Variants in CCDC175 observed in about 807,000 individuals in gnomAD.
The protein encoded by CCDC175 is coiled-coil domain-containing protein 175.
A neutral mutation model predicts 114.6 loss-of-function variants in CCDC175; 100 were observed. The observed-to-expected ratio is 0.87, with a 90% CI of 0.74 to 1.03. CCDC175 has a LOEUF of 1.03. Among genes scored for constraint, CCDC175 ranks in the 50% least tolerant of loss-of-function variants. The pLI, the probability that CCDC175 is intolerant of heterozygous loss-of-function variation, is 0.00. For synonymous variants in CCDC175, 306 were observed against 308.7 expected (o/e 0.99, Z 0.09); for missense variants, 880 against 917.8 (o/e 0.96, Z 0.53).
intron 16 of CCDC175, among the ~76,000 whole-genome samples, chr14:59,522,993 C>T (rs1184661995): frequency 1.3e-5 from 2 of 152,120 alleles, no homozygotes; most frequent in Non-Finnish European, 2.9e-5. Flanking sequence ...ACCAGCAAAA[C>T]TGAGTGGTGA....
intron 10 of CCDC175, among the ~76,000 whole-genome samples, chr14:59,541,100 A>G (rs1894757165): frequency 6.6e-6 from 1 of 152,212 alleles, no homozygotes; most frequent in Admixed American, 6.5e-5. Flanking sequence ...TTGCAAATAC[A>G]GAGGGAAGGA....
intron 13 of CCDC175, among the ~76,000 whole-genome samples, chr14:59,535,520 G>A (rs569685412): frequency 2.9e-4 from 44 of 152,226 alleles, no homozygotes; most frequent in Middle Eastern, 3.4e-3. Context: ...GATACTGACC[G>A]CTTCTTAACA....
At chr14:59,519,902 C>T (rs1314889505) in intron 17 of CCDC175, among the ~76,000 whole-genome samples, 1 of 152,196 alleles carries the variant, frequency 6.6e-6, no homozygotes, top group East Asian at 1.9e-4. Context: ...ATGGAGAGGC[C>T]ATGAGGAGGT....
chr14:59,521,787 T>A (rs1484943490), intron 16 of CCDC175, 111 bp from the exon 17 acceptor site: 4 of 649,894 alleles, frequency 6.2e-6, no homozygotes, highest in Non-Finnish European at 1.1e-5. Flanking sequence ...CACCCACTAT[T>A]CTAGGTACAG....
At chr14:59,544,600 T>G (rs759608912) in intron 9 of CCDC175, among the ~76,000 whole-genome samples, 3 of 152,190 alleles carry the variant, frequency 2.0e-5, no homozygotes, top group Non-Finnish European at 2.9e-5. Flanking sequence ...ATTTGGGTAA[T>G]TTTTACTCTC....
At chr14:59,571,596 A>AAAAC (rs1432314742) in intron 3 of CCDC175, among the ~76,000 whole-genome samples, 1 of 152,232 alleles carries the variant, frequency 6.6e-6, no homozygotes, top group Non-Finnish European at 1.5e-5. Flanking sequence ...ACAACCAGAT[A>AAAAC]AAACAAAAAC....
rs144554329 is a variant in CCDC175, at chr14:59,565,445, C to T, written c.492-170G>A. Among the ~76,000 whole-genome samples, 550 of 152,288 alleles carry T rather than the reference C, an allele frequency of 3.6e-3. 2 individuals are homozygous for T. The highest frequency in any genetic ancestry group is 0.012 in the African/African-American group (519 of 41,566). On this transcript the variant is annotated intron_variant, in intron 4 of 19. Transcript: ENST00000537690. Reference sequence around the variant, plus strand: ...GAAGGCCAGGTGCAGTGGCTCATGCCTGTAATCCTAGCACTTTGGGAGGCC... The same window carrying T: ...GAAGGCCAGGTGCAGTGGCTCATGCTTGTAATCCTAGCACTTTGGGAGGCC...
chr14:59,512,469 T>G (rs1309551652), intron 17 of CCDC175, among the ~76,000 whole-genome samples: 1 of 152,288 alleles, frequency 6.6e-6, no homozygotes, highest in African/African-American at 2.4e-5. Flanking sequence ...GTTGGGGAAA[T>G]TAAGTGCATC....
chr14:59,573,410 A>G (rs753170110), intron 2 of CCDC175, among the ~76,000 whole-genome samples: 30 of 152,122 alleles, frequency 2.0e-4, no homozygotes, highest in Non-Finnish European at 2.9e-4. Context: ...AGACTATATA[A>G]TTACATATAT....
At chr14:59,530,436 AGGAAG>A (rs1893999539) in intron 14 of CCDC175, among the ~76,000 whole-genome samples, 1 of 131,214 alleles carries the variant, frequency 7.6e-6, no homozygotes, top group Non-Finnish European at 1.6e-5. Flanking sequence ...AGGAAAGGAA[AGGAAG>A]GGAAGGGGAG....
At position 59,576,629 on chromosome 14, in the gene CCDC175, C is replaced by A. The variant is rs2140142744; in HGVS notation, c.147G>T (p.Leu49=). ...SSVAVEALEQ[L]FVVEQSLQSD... ...CGAGGGGCGTCTTACCCACAACAAA[C>A]AGCTGCTCCAGCGCCTCGACCGCGA... The change falls in exon 1 of 20, where the codon CTG becomes CTT. Residue 49 remains leucine (L), a synonymous_variant. Transcript: ENST00000537690. 1 of 1,471,392 alleles carries A rather than the reference C, an allele frequency of 6.8e-7. No homozygotes were observed. The highest frequency in any genetic ancestry group is 2.8e-5 in the East Asian group (1 of 35,412). The allele number at this position is 1,471,392 out of a possible 1,614,324, so 91.1% of individuals were successfully genotyped here.
rs1333237240 is a variant in CCDC175, at chr14:59,551,345, G to A, written c.1035+10C>T. ...TTATAATGTAAAAGTCATGACTTCT[G>A]CCTTCTTACCTGTTTTATCTTGTTC... On this transcript the variant is annotated intron_variant, in intron 8 of 19. Coordinates refer to ENST00000537690, the MANE Select transcript of CCDC175 (RefSeq NM_001164399.2). The A allele has an allele frequency of 4.1e-6, 5 of 1,218,554 alleles. No homozygotes were observed. In the African/African-American group the frequency reaches 7.9e-5, roughly 19 times the overall value. 75.5% of individuals were successfully genotyped at this position (1,218,554 alleles called of 1,614,324 possible). A position where few individuals can be genotyped will look rare whatever the true frequency, so the allele number is the denominator to read the frequency against.
chr14:59,558,188 T>C (rs886363570), intron 7 of CCDC175, among the ~76,000 whole-genome samples: 1 of 152,062 alleles, frequency 6.6e-6, no homozygotes, highest in African/African-American at 2.4e-5. Context: ...GGAAGAAGGA[T>C]GGTGAGGCTG....
chr14:59,552,136 G>A (rs764730142), intron 7 of CCDC175, among the ~76,000 whole-genome samples: 9 of 152,194 alleles, frequency 5.9e-5, no homozygotes, highest in Non-Finnish European at 1.2e-4. Flanking sequence ...CTCCCGGCAC[G>A]GAGTTTGAGA....
At chr14:59,537,663 GCATGATACCCT>G (rs1894482813) in intron 13 of CCDC175, among the ~76,000 whole-genome samples, 1 of 152,102 alleles carries the variant, frequency 6.6e-6, no homozygotes, top group Admixed American at 6.6e-5. Context: ...TCTCAAGACA[GCATGATACCCT>G]CTTTTTAAAG....
intron 8 of CCDC175, chr14:59,551,043 A>T (rs940694713): frequency 5.5e-6 from 1 of 182,230 alleles, no homozygotes; most frequent in African/African-American, 2.3e-5. Context: ...AACAGCAAGA[A>T]GATTCTAACT....
intron 8 of CCDC175, among the ~76,000 whole-genome samples, chr14:59,548,385 T>C (rs1050958755): frequency 6.6e-5 from 10 of 152,134 alleles, no homozygotes; most frequent in Admixed American, 3.9e-4. Context: ...AGAATTATGA[T>C]TGGATGTCAC....
At chr14:59,514,685 T>C (rs1176193573) in intron 17 of CCDC175, among the ~76,000 whole-genome samples, 1 of 152,146 alleles carries the variant, frequency 6.6e-6, no homozygotes, top group Non-Finnish European at 1.5e-5. Context: ...CAAATCTACG[T>C]CTGATTGGTG....
chr14:59,545,151 G>A lies in CCDC175; in HGVS notation c.1172+12C>T. The A allele has an allele frequency of 2.0e-6, 3 of 1,535,004 alleles. No individual in the cohort carries two copies. Among genetic ancestry groups the A allele is most frequent in the Non-Finnish European group, 2.6e-6 (3 of 1,146,042 alleles). On this transcript the variant is annotated intron_variant, in intron 9 of 19. Coordinates refer to ENST00000537690, the MANE Select transcript of CCDC175 (RefSeq NM_001164399.2). The stretch of plus-strand genomic sequence containing the variant: ...ATGGCATGTTGAATCACACGTGTGG[G>A]TAAAGACATACTCATCATGAATCTT...
Sources: allele counts gnomAD v4.1 joint callset (sites outside exome capture counted in the v4.1 genomes callset), GRCh38; gene constraint gnomAD v4.1.1; transcripts MANE v1.5; gene names NCBI Gene and HGNC (gene_info 2026-07-23, HGNC 2026-07-21).